Variants in SLC35F1 observed in about 807,000 individuals in gnomAD.
SLC35F1 encodes the protein chromosome 6 open reading frame 169.
In SLC35F1, 14 loss-of-function variants were observed where a neutral mutation model predicts 48.7. That is an observed-to-expected ratio of 0.29 (90% confidence interval 0.19 to 0.45). SLC35F1 has a LOEUF of 0.45. SLC35F1 is among the 20% of genes least tolerant of loss of function. The pLI, the probability that SLC35F1 is intolerant of heterozygous loss-of-function variation, is 1.00. For synonymous variants in SLC35F1, 190 were observed against 202.2 expected, an observed-to-expected ratio of 0.94 and a Z score of 0.51; for missense variants, 404 against 500.0, an observed-to-expected ratio of 0.81 and a Z score of 1.83.
intron 3 of SLC35F1, among the ~76,000 whole-genome samples, chr6:118,256,148 T>A (rs1775640132): frequency 6.6e-6 from 1 of 152,086 alleles, no homozygotes; most frequent in Non-Finnish European, 1.5e-5. Context: ...TGAATGTATG[T>A]TCCACAAAAT....
chr6:118,126,602 C>T (rs923690751), intron 1 of SLC35F1, among the ~76,000 whole-genome samples: 3 of 151,242 alleles, frequency 2.0e-5, no homozygotes, highest in Non-Finnish European at 4.4e-5. Flanking sequence ...ATTGATTCTT[C>T]CTACTCATGA....
intron 1 of SLC35F1, among the ~76,000 whole-genome samples, chr6:118,007,047 C>T (rs1237496227): frequency 6.7e-6 from 1 of 149,826 alleles, no homozygotes; most frequent in African/African-American, 2.5e-5. Context: ...TTTTTTACCA[C>T]TGTCTTAATT....
intron 1 of SLC35F1, among the ~76,000 whole-genome samples, chr6:118,028,707 CATTAAAG>C (rs1303875517): frequency 6.6e-6 from 1 of 152,012 alleles, no homozygotes. Flanking sequence ...GAAAATCAGG[CATTAAAG>C]ATAATTCCAA....
intron 2 of SLC35F1, among the ~76,000 whole-genome samples, chr6:118,212,578 T>G (rs1398203295): frequency 6.6e-6 from 1 of 151,928 alleles, no homozygotes; most frequent in Non-Finnish European, 1.5e-5. Context: ...TAATCCTAGC[T>G]ACTTGAGAGG....
chr6:117,999,420 C>T lies in SLC35F1; in HGVS notation c.173+91521C>T, dbSNP rs1161006674. On this transcript the variant is annotated intron_variant, in intron 1 of 7. Coordinates refer to ENST00000360388, the MANE Select transcript of SLC35F1 (RefSeq NM_001029858.4). ...GTTCCAGCTCAGGCTCCCAAAGGTA[C>T]CCAGGCCCCTACAAAGGCTTCAGAG... The T allele has an allele frequency of 4.2e-5, 66 of 1,588,102 alleles. No individual in the cohort carries two copies. In the South Asian group the frequency reaches 6.6e-4, roughly 16 times the overall value.
At chr6:118,062,619 T>C (rs1238164438) in intron 1 of SLC35F1, among the ~76,000 whole-genome samples, 1 of 152,228 alleles carries the variant, frequency 6.6e-6, no homozygotes, top group Admixed American at 6.5e-5. Context: ...TAAATCCTTT[T>C]TGTTTTTCTA....
At chr6:118,310,719 C>T (rs2114671407) in intron 7 of SLC35F1, among the ~76,000 whole-genome samples, 1 of 152,110 alleles carries the variant, frequency 6.6e-6, no homozygotes, top group Non-Finnish European at 1.5e-5. Flanking sequence ...ATCTTTGGAG[C>T]TATTTTTTGA....
rs1776502732 is a variant in SLC35F1, at chr6:117,961,885, G to T, written c.173+53986G>T. On this transcript the variant is annotated intron_variant, in intron 1 of 7. Transcript: ENST00000360388. ...CTAGCTTGTGATACCTAGTCTTACAGTTTATACATAAATATATGTGGAGAA... is the reference window on the plus strand; with the variant it reads ...CTAGCTTGTGATACCTAGTCTTACATTTTATACATAAATATATGTGGAGAA... Among the ~76,000 whole-genome samples the T allele has an allele frequency of 1.3e-5, 2 of 152,228 alleles. 1 individual carries two copies. Among genetic ancestry groups the T allele is most frequent in the Middle Eastern group, 6.8e-3 (2 of 294 alleles).
chr6:117,945,441 A>G (rs1236851706), intron 1 of SLC35F1, among the ~76,000 whole-genome samples: 2 of 152,216 alleles, frequency 1.3e-5, no homozygotes, highest in African/African-American at 2.4e-5. Context: ...AGTAGTCACT[A>G]TCCCATTTTA....
intron 1 of SLC35F1, among the ~76,000 whole-genome samples, chr6:117,976,237 C>T (rs1238243134): frequency 6.6e-6 from 1 of 152,154 alleles, no homozygotes; most frequent in Admixed American, 6.5e-5. Flanking sequence ...CACAAGAGGG[C>T]GCTAATTCCT....
Position 117,907,731 on chromosome 6 carries a change from T to TC in SLC35F1, c.11dup (p.Glu5Ter). On this transcript the variant is annotated frameshift_variant, in exon 1 of 8. Transcript: ENST00000360388. LOFTEE classifies it high-confidence loss of function. ...CGCGCCTCAGCCTCTGCCGCGATGA[T>TC]CCCCCCTGAGCAGCCGCAGCAGCAG... 2.6e-6 allele frequency: 4 copies of TC among 1,523,382 alleles called. No homozygotes were observed. The highest frequency in any genetic ancestry group is 2.6e-6 in the Non-Finnish European group (3 of 1,139,174). The allele number at this position is 1,523,382 out of a possible 1,614,324, so 94.4% of individuals were successfully genotyped here.
chr6:118,175,698 A>T (rs1181061031), intron 2 of SLC35F1, among the ~76,000 whole-genome samples: 1 of 152,082 alleles, frequency 6.6e-6, no homozygotes, highest in Non-Finnish European at 1.5e-5. Flanking sequence ...TCCAGCAAAT[A>T]TGGCTGGCAA....
chr6:117,961,492 G>A (rs61511968), intron 1 of SLC35F1, among the ~76,000 whole-genome samples: 3,202 of 152,258 alleles, frequency 0.021, 121 homozygotes, highest in African/African-American at 0.073. Context: ...GAGTTGCTTC[G>A]TCGGGTCTAG....
chr6:118,248,487 T>A (rs576072343), intron 3 of SLC35F1, among the ~76,000 whole-genome samples: 1 of 152,052 alleles, frequency 6.6e-6, no homozygotes, highest in East Asian at 1.9e-4. Flanking sequence ...GGAGTCAGAG[T>A]AGAGGGAGAT....
chr6:118,070,991 C>CGT (rs375445061), intron 1 of SLC35F1, among the ~76,000 whole-genome samples: 1,567 of 7,164 alleles, frequency 0.22, 88 homozygotes, highest in Middle Eastern at 0.5. Flanking sequence ...ATATATTCTA[C>CGT]GTGTGTGTAT....
intron 1 of SLC35F1, among the ~76,000 whole-genome samples, chr6:118,049,935 A>G (rs947463664): frequency 6.6e-6 from 1 of 152,174 alleles, no homozygotes. Context: ...TTGTGGCACT[A>G]TTCACAGTAG....
intron 3 of SLC35F1, among the ~76,000 whole-genome samples, chr6:118,265,368 T>C (rs1293939228): frequency 6.6e-6 from 1 of 152,248 alleles, no homozygotes; most frequent in Non-Finnish European, 1.5e-5. Context: ...TGCAGTGTTC[T>C]GATGCCAATA....
At chr6:118,069,408 A>T (rs1772665827) in intron 1 of SLC35F1, among the ~76,000 whole-genome samples, 1 of 152,224 alleles carries the variant, frequency 6.6e-6, no homozygotes, top group Admixed American at 6.5e-5. Flanking sequence ...TTGCTTGAAT[A>T]TGAGAAAGAG....
chr6:118,044,310 C>A (rs1772269221), intron 1 of SLC35F1, among the ~76,000 whole-genome samples: 1 of 152,208 alleles, frequency 6.6e-6, no homozygotes, highest in Non-Finnish European at 1.5e-5. Context: ...CTTTCTGCAA[C>A]CCTATCCCTG....
Sources: allele counts gnomAD v4.1 joint callset (sites outside exome capture counted in the v4.1 genomes callset), GRCh38; gene constraint gnomAD v4.1.1; transcripts MANE v1.5; gene names NCBI Gene and HGNC (gene_info 2026-07-23, HGNC 2026-07-21).